The following HS6ST3 variants were observed in gnomAD, a reference collection of about 807,000 sequenced individuals.
HS6ST3 encodes heparan-sulfate 6-O-sulfotransferase 3.
Under a neutral mutation model 36.7 loss-of-function variants are expected in HS6ST3, and 12 were observed. The ratio of observed to expected loss-of-function variants is 0.33; its 90% CI spans 0.21 to 0.53. HS6ST3 has a LOEUF of 0.53. Ranked by LOEUF, HS6ST3 falls within the 20% of genes least tolerant of loss-of-function variation. The pLI, the probability that HS6ST3 is intolerant of heterozygous loss-of-function variation, is 0.95. For missense variants in HS6ST3, 584 were observed against 640.9 expected (o/e 0.91, Z 0.96); for synonymous variants, 240 against 257.5 (o/e 0.93, Z 0.65).
chr13:96,673,901 T>G (rs1391895313), intron 1 of HS6ST3, among the ~76,000 whole-genome samples: 1 of 152,182 alleles, frequency 6.6e-6, no homozygotes, highest in African/African-American at 2.4e-5. Context: ...CCAAGTACTT[T>G]AAAAAATATA....
chr13:96,620,818 TTATGTCTGA>T lies in HS6ST3; in HGVS notation c.708-211671_708-211663del, dbSNP rs752521133. On this transcript the variant is annotated intron_variant, in intron 1 of 1. Transcript: ENST00000376705. ...ATATAAGCCATATATAACATCCTTG[TTATGTCTGA>T]GTTCAGCAATTAATTTTTTTTTAAA... Among the ~76,000 whole-genome samples the T allele has an allele frequency of 6.2e-3, 952 of 152,366 alleles. 2 individuals are homozygous for T. The highest frequency in any genetic ancestry group is 0.011 in the Non-Finnish European group (734 of 68,036).
chr13:96,241,408 C>T (rs2054559209), intron 1 of HS6ST3, among the ~76,000 whole-genome samples: 1 of 151,536 alleles, frequency 6.6e-6, no homozygotes. Context: ...TTATATTATC[C>T]ATGGACCTAT....
chr13:96,690,738 A>T lies in HS6ST3; in HGVS notation c.708-141752A>T, dbSNP rs1281605591. On this transcript the variant is annotated intron_variant, in intron 1 of 1. Transcript: ENST00000376705. ...CTCTGCATGGAAACTACCTAGGGGTAGGGAAATAAAATTCATTACAAACAC... is the reference window on the plus strand; with the variant it reads ...CTCTGCATGGAAACTACCTAGGGGTTGGGAAATAAAATTCATTACAAACAC... Among the ~76,000 whole-genome samples, 4 of 152,228 alleles carry T rather than the reference A, an allele frequency of 2.6e-5. No homozygotes were observed. In the East Asian group the frequency reaches 7.7e-4, roughly 29 times the overall value.
intron 1 of HS6ST3, among the ~76,000 whole-genome samples, chr13:96,406,299 A>G (rs1159840051): frequency 6.6e-6 from 1 of 152,242 alleles, no homozygotes; most frequent in African/African-American, 2.4e-5. Context: ...GACTTATACC[A>G]TAATTCTTAG....
At chr13:96,302,615 G>A (rs369525128) in intron 1 of HS6ST3, among the ~76,000 whole-genome samples, 1 of 152,118 alleles carries the variant, frequency 6.6e-6, no homozygotes, top group African/African-American at 2.4e-5. Context: ...ATGACTATAA[G>A]GACAACACCA....
intron 1 of HS6ST3, among the ~76,000 whole-genome samples, chr13:96,184,844 C>G (rs930256343): frequency 1.3e-5 from 2 of 152,008 alleles, no homozygotes; most frequent in African/African-American, 4.8e-5. Flanking sequence ...TGATTTTCTT[C>G]TCTAGGGGAA....
chr13:96,251,531 A>G (rs1404951260), intron 1 of HS6ST3, among the ~76,000 whole-genome samples: 1 of 152,000 alleles, frequency 6.6e-6, no homozygotes, highest in Non-Finnish European at 1.5e-5. Context: ...TAAAAAGACA[A>G]CTAGTTTTGT....
intron 1 of HS6ST3, among the ~76,000 whole-genome samples, chr13:96,142,423 A>T (rs138722363): frequency 0.025 from 3,818 of 152,296 alleles, 67 homozygotes; most frequent in Middle Eastern, 0.051. Context: ...CCAAGATCCA[A>T]TATTAGTGAA....
At chr13:96,621,596 A>G (rs989635462) in intron 1 of HS6ST3, among the ~76,000 whole-genome samples, 2 of 152,146 alleles carry the variant, frequency 1.3e-5, no homozygotes, top group Non-Finnish European at 2.9e-5. Flanking sequence ...TCTCTCCAAG[A>G]CTGACCTTCT....
intron 1 of HS6ST3, among the ~76,000 whole-genome samples, chr13:96,175,244 G>A (rs894010268): frequency 6.6e-6 from 1 of 152,066 alleles, no homozygotes; most frequent in Non-Finnish European, 1.5e-5. Flanking sequence ...ATGAAAGTTC[G>A]GGTGAGTGGA....
At chr13:96,382,285 T>A (rs1925133) in intron 1 of HS6ST3, among the ~76,000 whole-genome samples, 2 of 152,032 alleles carry the variant, frequency 1.3e-5, no homozygotes, top group Non-Finnish European at 2.9e-5. Flanking sequence ...ACCATACTCT[T>A]TGACTGAGAA....
At chr13:96,744,682 C>A (rs186518468) in intron 1 of HS6ST3, among the ~76,000 whole-genome samples, 1 of 152,156 alleles carries the variant, frequency 6.6e-6, no homozygotes, top group African/African-American at 2.4e-5. Flanking sequence ...ATTTTTAATA[C>A]CAACTTTGCA....
At chr13:96,659,229 GTTTGGGGTGGTTAT>G (rs1210073097) in intron 1 of HS6ST3, among the ~76,000 whole-genome samples, 1 of 152,184 alleles carries the variant, frequency 6.6e-6, no homozygotes, top group Non-Finnish European at 1.5e-5. Context: ...GAATGTAGTG[GTTTGGGGTGGTTAT>G]TTTAATTTGC....
intron 1 of HS6ST3, among the ~76,000 whole-genome samples, chr13:96,315,679 C>G (rs1440085199): frequency 2.8e-5 from 3 of 109,074 alleles, no homozygotes; most frequent in Non-Finnish European, 5.5e-5. Flanking sequence ...ATAAAAATGC[C>G]ATTTTTTTTT....
intron 1 of HS6ST3, among the ~76,000 whole-genome samples, chr13:96,759,978 G>C (rs78338358): frequency 0.03 from 4,551 of 151,830 alleles, 122 homozygotes; most frequent in Non-Finnish European, 0.042. Context: ...CCACCTTTCA[G>C]TACTTAGGAC....
chr13:96,115,300 C>T lies in HS6ST3; in HGVS notation c.707+23731C>T, dbSNP rs535542220. Reference sequence around the variant, plus strand: ...TATTTGTTTGTTTTACTTTAAGTTTCGGGATACACGTACAGAATGTACAGG... The same window carrying T: ...TATTTGTTTGTTTTACTTTAAGTTTTGGGATACACGTACAGAATGTACAGG... On this transcript the variant is annotated intron_variant, in intron 1 of 1. Transcript: ENST00000376705. Among the ~76,000 whole-genome samples the T allele has an allele frequency of 2.6e-5, 4 of 152,210 alleles. No individual in the cohort carries two copies. In the East Asian group the frequency reaches 5.8e-4, roughly 22 times the overall value.
chr13:96,353,092 T>C (rs965260024), intron 1 of HS6ST3, among the ~76,000 whole-genome samples: 4 of 146,102 alleles, frequency 2.7e-5, no homozygotes, highest in Admixed American at 1.4e-4. Context: ...TCTTGCTCTG[T>C]CACCAGGCTG....
At chr13:96,668,971 A>ATTAGGTT (rs2138429848) in intron 1 of HS6ST3, among the ~76,000 whole-genome samples, 1 of 152,122 alleles carries the variant, frequency 6.6e-6, no homozygotes, top group South Asian at 2.1e-4. Flanking sequence ...ATTGCTTTAA[A>ATTAGGTT]TTAGGTTTTA....
intron 1 of HS6ST3, among the ~76,000 whole-genome samples, chr13:96,128,941 G>A (rs750651287): frequency 2.0e-5 from 3 of 151,830 alleles, no homozygotes; most frequent in Admixed American, 1.3e-4. Context: ...TGCCTCCTGG[G>A]TTCAAGTGAT....
Sources: gnomAD v4.1 joint callset for allele counts (sites outside exome capture counted in the v4.1 genomes callset) on GRCh38, gnomAD v4.1.1 for gene constraint, MANE v1.5 for transcripts, NCBI Gene and HGNC (gene_info 2026-07-23, HGNC 2026-07-21) for gene names.